ZNF665: variants seen among roughly 807,000 people sequenced by gnomAD.
ZNF665 encodes the protein zinc finger protein 665.
In ZNF665, 6 loss-of-function variants were observed where a neutral mutation model predicts 7.9. The observed-to-expected ratio is 0.76, with a 90% CI of 0.42 to 1.50. The LOEUF (loss-of-function observed/expected upper bound fraction) is 1.50. ZNF665 is among the 40% of genes most tolerant of loss of function. The pLI is 0.01. For synonymous variants in ZNF665, 242 were observed against 274.5 expected, an observed-to-expected ratio of 0.88 and a Z score of 1.17; for missense variants, 819 against 806.7, an observed-to-expected ratio of 1.02 and a Z score of -0.18.
intron 2 of ZNF665, among the ~76,000 whole-genome samples, chr19:53,176,589 A>G (rs1372128705): frequency 6.6e-6 from 1 of 152,234 alleles, no homozygotes; most frequent in Non-Finnish European, 1.5e-5. Flanking sequence ...TAAGCCAGTT[A>G]GTGAGAAACC....
chr19:53,164,442 T>C lies in ZNF665; in HGVS notation c.*11A>G. The C allele has an allele frequency of 6.4e-7, 1 of 1,556,180 alleles. No homozygotes were observed. Among genetic ancestry groups the C allele is most frequent in the African/African-American group, 1.4e-5 (1 of 73,528 alleles). Reference sequence around the variant, plus strand: ...CGTGAGCCACCACGCCCGGCGTCCTTTGTAAGGTTTCTATCCACTATGAAT... The same window carrying C: ...CGTGAGCCACCACGCCCGGCGTCCTCTGTAAGGTTTCTATCCACTATGAAT... On this transcript the variant is annotated 3_prime_UTR_variant, in exon 4 of 4. Coordinates refer to ENST00000396424, the MANE Select transcript of ZNF665 (RefSeq NM_024733.5).
intron 3 of ZNF665, among the ~76,000 whole-genome samples, chr19:53,172,790 A>ACT (rs1229227560): frequency 7.2e-6 from 1 of 139,612 alleles, no homozygotes; most frequent in African/African-American, 2.7e-5. Flanking sequence ...ACGCCACTGC[A>ACT]CTCCAGCCTG....
intron 2 of ZNF665, among the ~76,000 whole-genome samples, chr19:53,179,269 G>A (rs917219773): frequency 2.0e-5 from 3 of 151,534 alleles, no homozygotes; most frequent in East Asian, 1.9e-4. Flanking sequence ...CCAGCTGGTC[G>A]GGAGGCTGAG....
At chr19:53,180,278 C>T (rs999005781) in intron 2 of ZNF665, among the ~76,000 whole-genome samples, 2 of 151,814 alleles carry the variant, frequency 1.3e-5, no homozygotes, top group African/African-American at 4.8e-5. Context: ...ACTAAAAATA[C>T]AAAAATTAGC....
At chr19:53,174,864 A>G (rs2090684245) in intron 3 of ZNF665, among the ~76,000 whole-genome samples, 1 of 149,830 alleles carries the variant, frequency 6.7e-6, no homozygotes, top group African/African-American at 2.5e-5. Flanking sequence ...GCTTGAACTC[A>G]GGAGGCGGTA....
rs140482885 is a variant in ZNF665 at position 53,171,504 on chromosome 19, G to GTGTGTGTATATATA, written c.142+3940_142+3941insTATATATACACACA. 7.4e-3 allele frequency among the ~76,000 whole-genome samples: 425 copies of GTGTGTGTATATATA among 57,692 alleles called. 2 individuals are homozygous for GTGTGTGTATATATA. The highest frequency in any genetic ancestry group is 0.014 in the Middle Eastern group (1 of 74). 37.8% of individuals were successfully genotyped at this position (57,692 alleles called of 152,430 possible). A position where few individuals can be genotyped will look rare whatever the true frequency, so the allele number is the denominator to read the frequency against. On this transcript the variant is annotated intron_variant, in intron 3 of 3. Transcript: ENST00000396424. ...TCTTTACATTTGTGTGTGTGTGTGT[G>GTGTGTGTATATATA]TATATATATATATATATATATTTTT...
intron 3 of ZNF665, among the ~76,000 whole-genome samples, chr19:53,172,471 G>A (rs1029204635): frequency 2.0e-5 from 3 of 152,090 alleles, no homozygotes; most frequent in African/African-American, 7.2e-5. Flanking sequence ...ACAACTACGT[G>A]ATATTTTATG....
In ZNF665 at chr19:53,162,467, T is replaced by C. The variant is rs1203767601; in HGVS notation, c.*1986A>G. 1 of 152,232 alleles carries C rather than the reference T, an allele frequency of 6.6e-6. No individual in the cohort carries two copies. Among genetic ancestry groups the C allele is most frequent in the Non-Finnish European group, 1.5e-5 (1 of 68,048 alleles). 9.4% of individuals were successfully genotyped at this position (152,232 alleles called of 1,614,324 possible). ...TTTATTAGTTAAAACATTAAATCTA[T>C]GATGCATTCTTAAATAGTAGCAAAA... On this transcript the variant is annotated 3_prime_UTR_variant, in exon 4 of 4. Transcript: ENST00000396424.
intron 3 of ZNF665, among the ~76,000 whole-genome samples, chr19:53,167,341 C>T (rs1368370041): frequency 1.3e-5 from 2 of 151,940 alleles, no homozygotes; most frequent in African/African-American, 4.8e-5. Context: ...AAACCATCCT[C>T]TATCAATAAT....
intron 3 of ZNF665, among the ~76,000 whole-genome samples, chr19:53,167,750 A>G (rs2090627340): frequency 6.9e-6 from 1 of 145,984 alleles, no homozygotes; most frequent in East Asian, 2.2e-4. Context: ...TTGGCCAACA[A>G]TTTCTCTTGA....
At position 53,164,440 on chromosome 19, in the gene ZNF665, CT is replaced by C; in HGVS notation, c.*12del. 1 of 1,551,220 alleles carries C rather than the reference CT, an allele frequency of 6.4e-7. No homozygotes were observed. Among genetic ancestry groups the C allele is most frequent in the Non-Finnish European group, 8.7e-7 (1 of 1,149,954 alleles). On this transcript the variant is annotated 3_prime_UTR_variant, in exon 4 of 4. Transcript: ENST00000396424. Reference sequence around the variant, plus strand: ...GGCGTGAGCCACCACGCCCGGCGTCCTTTGTAAGGTTTCTATCCACTATGAA... The same window carrying C: ...GGCGTGAGCCACCACGCCCGGCGTCCTTGTAAGGTTTCTATCCACTATGAA...
rs1568654344 is a variant in ZNF665, at chr19:53,165,970, GATT to G, written c.517_519del (p.Asn173del). On this transcript the variant is annotated inframe_deletion, in exon 4 of 4. Transcript: ENST00000396424. ...TCATCACATTTATAATGTTTTCCTCGATTATTAGGAGACTTCTCAACTTGATTG... is the reference window on the plus strand; with the variant it reads ...TCATCACATTTATAATGTTTTCCTCGATTAGGAGACTTCTCAACTTGATTG... The G allele has an allele frequency of 3.7e-6, 6 of 1,613,624 alleles. No homozygotes were observed. The South Asian group carries it at 5.5e-5, about 15-fold the overall frequency.
At chr19:53,193,101 T>C (rs2146901927) in intron 1 of ZNF665, among the ~76,000 whole-genome samples, 1 of 152,150 alleles carries the variant, frequency 6.6e-6, no homozygotes, top group Non-Finnish European at 1.5e-5. Context: ...GTCTGCATGG[T>C]CTGAAGGCCG....
chr19:53,168,829 G>T (rs949532430), intron 3 of ZNF665, among the ~76,000 whole-genome samples: 1 of 152,022 alleles, frequency 6.6e-6, no homozygotes, highest in African/African-American at 2.4e-5. Context: ...AAGAATAAAT[G>T]GCAATTCCAT....
chr19:53,173,367 T>TC (rs1254939832), intron 3 of ZNF665, among the ~76,000 whole-genome samples: 1 of 142,366 alleles, frequency 7.0e-6, no homozygotes, highest in Non-Finnish European at 1.5e-5. Context: ...ATTTTTTTTT[T>TC]CACTCTTTTT....
intron 3 of ZNF665, among the ~76,000 whole-genome samples, chr19:53,171,504 G>GTGTGTGTATATA (rs140482885): frequency 2.8e-4 from 16 of 57,774 alleles, no homozygotes; most frequent in Non-Finnish European, 4.6e-4. Context: ...GTGTGTGTGT[G>GTGTGTGTATATA]TATATATATA....
intron 3 of ZNF665, among the ~76,000 whole-genome samples, chr19:53,172,071 A>G (rs2090662784): frequency 2.0e-5 from 3 of 152,158 alleles, no homozygotes; most frequent in Non-Finnish European, 4.4e-5. Flanking sequence ...TGTATTTTTT[A>G]TGGTGGTAAA....
In ZNF665 at chr19:53,164,133, CT is replaced by C. The variant is rs35735454; in HGVS notation, c.*319del. The C allele has an allele frequency of 0.38, 39,975 of 104,558 alleles. 6,991 individuals are homozygous for C. The highest frequency in any genetic ancestry group is 0.55 in the South Asian group (1,518 of 2,756). 6.5% of individuals were successfully genotyped at this position (104,558 alleles called of 1,614,324 possible). On this transcript the variant is annotated 3_prime_UTR_variant, in exon 4 of 4. Coordinates refer to ENST00000396424, the MANE Select transcript of ZNF665 (RefSeq NM_024733.5). ...CTGGCCGCACTCCTTTGTAAGGTTA[CT>C]TTTTTTTTTTTTTTTTTTTTGGAGA...
Position 53,164,903 on chromosome 19 carries a change from T to C in ZNF665, c.1587A>G (p.Leu529=), listed in dbSNP as rs754855776. The change falls in exon 4 of 4, where the codon CTA becomes CTG. Residue 529 remains leucine, a synonymous_variant. Coordinates refer to ENST00000396424, the MANE Select transcript of ZNF665 (RefSeq NM_024733.5). ...CAGTATGTATTGTCTGATGTATAGT[T>C]AGGCTTGAATGAACACTAAAGGCTT... ...CGKAFSVHSS[L]TIHQTIHTGQ... The C allele has an allele frequency of 6.2e-7, 1 of 1,614,158 alleles. No individual in the cohort carries two copies.
Sources: gnomAD v4.1 joint callset for allele counts (sites outside exome capture counted in the v4.1 genomes callset) on GRCh38, gnomAD v4.1.1 for gene constraint, MANE v1.5 for transcripts, NCBI Gene and HGNC (gene_info 2026-07-23, HGNC 2026-07-21) for gene names.